Variants in LRBA observed in about 807,000 individuals in gnomAD.
LRBA encodes LPS responsive beige-like anchor protein.
LRBA carries 176 observed loss-of-function variants against 330.0 expected under a neutral mutation model. That is an observed-to-expected ratio of 0.53 (90% CI 0.47 to 0.60). The LOEUF (loss-of-function observed/expected upper bound fraction) is 0.60, where lower values mean the gene tolerates loss of function less well. Among genes scored for constraint, LRBA ranks in the 20% least tolerant of loss-of-function variants. LRBA has a pLI of 0.00. For missense variants in LRBA, 3,259 were observed against 3,444.8 expected (o/e 0.95, Z 1.35); for synonymous variants, 1,230 against 1,193.0 (o/e 1.03, Z -0.64).
intron 44 of LRBA, among the ~76,000 whole-genome samples, chr4:150,467,434 C>T (rs1755580597): frequency 6.6e-6 from 1 of 151,950 alleles, no homozygotes; most frequent in South Asian, 2.1e-4. Flanking sequence ...CACAATTTGG[C>T]AATGCTTACT....
chr4:150,401,331 C>A (rs1417078613), intron 47 of LRBA, among the ~76,000 whole-genome samples: 1 of 152,246 alleles, frequency 6.6e-6, no homozygotes, highest in Non-Finnish European at 1.5e-5. Flanking sequence ...ACATTGTCAA[C>A]AGGTTCTTGG....
At chr4:150,699,816 G>T (rs1474122505) in intron 36 of LRBA, among the ~76,000 whole-genome samples, 4 of 152,170 alleles carry the variant, frequency 2.6e-5, no homozygotes, top group Admixed American at 2.6e-4. Context: ...AAGGTCAACT[G>T]CTGCAGAGTA....
intron 35 of LRBA, among the ~76,000 whole-genome samples, chr4:150,757,187 T>C (rs535301032): frequency 3.3e-5 from 5 of 152,158 alleles, no homozygotes; most frequent in South Asian, 4.1e-4. Context: ...ATACCAATAA[T>C]TGAACTCAAA....
intron 48 of LRBA, among the ~76,000 whole-genome samples, chr4:150,343,458 CAT>C (rs1018629422): frequency 6.6e-6 from 1 of 152,212 alleles, no homozygotes; most frequent in Non-Finnish European, 1.5e-5. Context: ...CTCATCTCCA[CAT>C]TTTTAGCATC....
chr4:150,419,337 C>T (rs1031352258), intron 46 of LRBA, among the ~76,000 whole-genome samples: 5 of 151,918 alleles, frequency 3.3e-5, no homozygotes, highest in African/African-American at 1.2e-4. Flanking sequence ...TGCCTGCCTT[C>T]GAAAGACCAT....
intron 42 of LRBA, among the ~76,000 whole-genome samples, chr4:150,478,798 C>T (rs1756990892): frequency 3.3e-5 from 5 of 152,158 alleles, no homozygotes; most frequent in African/African-American, 9.7e-5. Context: ...GTTATCTTAT[C>T]CAAAGCAACC....
intron 40 of LRBA, among the ~76,000 whole-genome samples, chr4:150,527,902 G>A (rs531666708): frequency 9.2e-5 from 14 of 152,176 alleles, no homozygotes; most frequent in South Asian, 2.1e-4. Flanking sequence ...AGTAGCTGTG[G>A]TTCACCTGCA....
At chr4:150,304,357 A>G (rs1730085648) in intron 52 of LRBA, among the ~76,000 whole-genome samples, 2 of 152,306 alleles carry the variant, frequency 1.3e-5, no homozygotes, top group East Asian at 3.9e-4. Flanking sequence ...ATTTAGAAAT[A>G]AAATTCTGAA....
chr4:150,292,951 C>G (rs1448071592), intron 53 of LRBA, among the ~76,000 whole-genome samples: 1 of 151,940 alleles, frequency 6.6e-6, no homozygotes, highest in East Asian at 1.9e-4. Flanking sequence ...AATGTATCAT[C>G]TGAACTTTTA....
chr4:150,383,015 T>C (rs62347033), intron 47 of LRBA, among the ~76,000 whole-genome samples: 32,840 of 152,092 alleles, frequency 0.22, 4,395 homozygotes, highest in Non-Finnish European at 0.3. Context: ...TCAGCTTTCA[T>C]CAGGTTTATG....
chr4:150,681,560 G>A (rs1425332111), intron 37 of LRBA, among the ~76,000 whole-genome samples: 1 of 152,134 alleles, frequency 6.6e-6, no homozygotes, highest in Non-Finnish European at 1.5e-5. Context: ...AAAGAAATAT[G>A]AACATACAGG....
chr4:150,560,503 A>G (rs1455988450), intron 40 of LRBA, among the ~76,000 whole-genome samples: 7 of 152,136 alleles, frequency 4.6e-5, no homozygotes, highest in Non-Finnish European at 7.4e-5. Context: ...CTAACTGGAC[A>G]ATTTGGAAAC....
intron 36 of LRBA, among the ~76,000 whole-genome samples, chr4:150,684,227 G>A (rs902639999): frequency 6.6e-6 from 1 of 152,142 alleles, no homozygotes; most frequent in Non-Finnish European, 1.5e-5. Context: ...TTTAGAGAAT[G>A]GATTGTAGTG....
intron 40 of LRBA, among the ~76,000 whole-genome samples, chr4:150,575,735 T>C (rs916333067): frequency 3.3e-5 from 5 of 151,894 alleles, no homozygotes. Context: ...CAAGAGAAAG[T>C]AGAAAGGGAG....
chr4:150,625,366 T>C (rs1393563426), intron 37 of LRBA, among the ~76,000 whole-genome samples: 1 of 152,220 alleles, frequency 6.6e-6, no homozygotes, highest in African/African-American at 2.4e-5. Context: ...AATAAAGCCG[T>C]ATCTTCAAAG....
chr4:150,307,430 A>G (rs980940039), intron 52 of LRBA, among the ~76,000 whole-genome samples: 2 of 152,134 alleles, frequency 1.3e-5, no homozygotes, highest in African/African-American at 2.4e-5. Context: ...ATTCATTTTC[A>G]TGTTTAAAAA....
intron 44 of LRBA, among the ~76,000 whole-genome samples, chr4:150,439,243 C>T (rs570318229): frequency 6.6e-6 from 1 of 152,234 alleles, no homozygotes; most frequent in South Asian, 2.1e-4. Flanking sequence ...ATTTTTATTA[C>T]TCTCCAAATG....
At chr4:150,453,234 A>C (rs1581361616) in intron 44 of LRBA, among the ~76,000 whole-genome samples, 1 of 152,306 alleles carries the variant, frequency 6.6e-6, no homozygotes, top group African/African-American at 2.4e-5. Context: ...TTTTAAAAAG[A>C]AAAATAAAGC....
chr4:150,665,359 T>C (rs952673713), intron 37 of LRBA, among the ~76,000 whole-genome samples: 1 of 152,210 alleles, frequency 6.6e-6, no homozygotes, highest in East Asian at 1.9e-4. Flanking sequence ...TCATCATTTA[T>C]GTAAAGTTCT....
Sources: gnomAD v4.1 joint callset for allele counts (sites outside exome capture counted in the v4.1 genomes callset) on GRCh38, gnomAD v4.1.1 for gene constraint, MANE v1.5 for transcripts, NCBI Gene and HGNC (gene_info 2026-07-23, HGNC 2026-07-21) for gene names.